The following PALLD variants were observed in gnomAD, a reference collection of about 807,000 sequenced individuals.
The protein encoded by PALLD is palladin, cytoskeletal associated protein.
In PALLD, 61 loss-of-function variants were observed where a neutral mutation model predicts 123.5. The observed-to-expected ratio is 0.49, with a 90% CI of 0.40 to 0.61. PALLD has a LOEUF of 0.61. Among genes scored for constraint, PALLD ranks in the 20% least tolerant of loss-of-function variants. The pLI is 0.00. For synonymous variants in PALLD, 465 were observed against 496.4 expected, an observed-to-expected ratio of 0.94 and a Z score of 0.84; for missense variants, 1,273 against 1,377.0, an observed-to-expected ratio of 0.92 and a Z score of 1.20.
intron 2 of PALLD, among the ~76,000 whole-genome samples, chr4:168,646,642 C>T (rs1013971730): frequency 9.2e-5 from 14 of 152,230 alleles, no homozygotes; most frequent in Non-Finnish European, 1.9e-4. Flanking sequence ...AGCCACCACA[C>T]AGCTTGGGGC....
chr4:168,635,573 T>A (rs1366834976), intron 2 of PALLD, among the ~76,000 whole-genome samples: 1 of 152,218 alleles, frequency 6.6e-6, no homozygotes, highest in African/African-American at 2.4e-5. Context: ...AATAGTCCAT[T>A]ACAAGCTATC....
intron 10 of PALLD, among the ~76,000 whole-genome samples, chr4:168,789,575 T>G (rs1175320647): frequency 6.6e-6 from 1 of 151,892 alleles, no homozygotes; most frequent in African/African-American, 2.4e-5. Context: ...CGTGGTGGCA[T>G]GTGCCTGTAG....
rs537172374 is a variant in PALLD at position 168,573,796 on chromosome 4, G to A, written c.908+61384G>A. Among the ~76,000 whole-genome samples, 12 of 152,222 alleles carry A rather than the reference G, an allele frequency of 7.9e-5. No homozygotes were observed. The South Asian group carries it at 2.5e-3, about 32-fold the overall frequency. On this transcript the variant is annotated intron_variant, in intron 2 of 21. Coordinates refer to ENST00000505667, the MANE Select transcript of PALLD (RefSeq NM_001166108.2). ...TACGAAGCTGCATACCATTATTGGTGTGGAAAAACAGTAACCCTGGTATTG... is the reference window on the plus strand; with the variant it reads ...TACGAAGCTGCATACCATTATTGGTATGGAAAAACAGTAACCCTGGTATTG...
intron 2 of PALLD, among the ~76,000 whole-genome samples, chr4:168,562,410 A>G (rs1028784385): frequency 3.3e-5 from 5 of 152,234 alleles, no homozygotes; most frequent in African/African-American, 2.4e-5. Context: ...AGATATCGCT[A>G]TGAACAAGAC....
chr4:168,720,931 G>A (rs1785949712), intron 10 of PALLD, among the ~76,000 whole-genome samples: 1 of 152,126 alleles, frequency 6.6e-6, no homozygotes, highest in Admixed American at 6.5e-5. Flanking sequence ...CTGACACAGT[G>A]CCACATTCTT....
intron 4 of PALLD, 21 bp downstream of exon 4, chr4:168,681,419 C>A: frequency 5.4e-6 from 8 of 1,478,008 alleles, no homozygotes; most frequent in Non-Finnish European, 7.6e-6. Context: ...ACAATTCCAT[C>A]GATTATGTGG....
Position 168,683,069 on chromosome 4 carries a change from C to G in PALLD, c.1226C>G (p.Ala409Gly). 1.2e-6 allele frequency: 2 copies of G among 1,611,738 alleles called. No individual in the cohort carries two copies. The highest frequency in any genetic ancestry group is 1.7e-6 in the Non-Finnish European group (2 of 1,177,890). ...SSSPKTGVTT[A>G]VIQPLSVPVQ... is the part of the protein sequence containing the mutation. ...TCTCCAAAGACAGGGGTGACCACAGCTGTGATTCAACCACTGTCTGTCCCT... is the reference window on the plus strand; with the variant it reads ...TCTCCAAAGACAGGGGTGACCACAGGTGTGATTCAACCACTGTCTGTCCCT... The change falls in exon 5 of 22, where the codon GCT becomes GGT. Residue 409 changes from alanine to glycine, a missense_variant. Physicochemically the swap from Ala to Gly is moderately conservative, Grantham distance 60. Transcript: ENST00000505667.
intron 2 of PALLD, among the ~76,000 whole-genome samples, chr4:168,639,786 C>T (rs1022708939): frequency 5.9e-5 from 9 of 152,054 alleles, no homozygotes; most frequent in South Asian, 4.1e-4. Context: ...CCTCGTGATC[C>T]GCCCGCCTCG....
In PALLD at chr4:168,921,635, C is replaced by T. The variant is rs370315223; in HGVS notation, c.2952C>T (p.His984=). 7 of 1,611,256 alleles carry T rather than the reference C, an allele frequency of 4.3e-6. No individual in the cohort carries two copies. Among genetic ancestry groups the T allele is most frequent in the African/African-American group, 1.3e-5 (1 of 74,082 alleles). The change falls in exon 18 of 22, where the codon CAC becomes CAT. Residue 984 remains histidine (H), a synonymous_variant. Transcript: ENST00000505667. ...HKMLVRENGV[H]SLIIEPVTSR... Reference sequence around the variant, plus strand: ...TGCTGGTGCGTGAGAACGGGGTGCACTCTCTGATCATAGAGCCAGTCACGT... The same window carrying T: ...TGCTGGTGCGTGAGAACGGGGTGCATTCTCTGATCATAGAGCCAGTCACGT...
chr4:168,737,746 G>A (rs1051048465), intron 10 of PALLD, among the ~76,000 whole-genome samples: 3 of 152,118 alleles, frequency 2.0e-5, no homozygotes, highest in Non-Finnish European at 2.9e-5. Context: ...TGTTAGTGAC[G>A]AACAGATCAA....
intron 10 of PALLD, among the ~76,000 whole-genome samples, chr4:168,782,288 G>A (rs1221589269): frequency 6.6e-6 from 1 of 152,196 alleles, no homozygotes; most frequent in African/African-American, 2.4e-5. Flanking sequence ...TGTTGATGTA[G>A]AGCGAATTAT....
At chr4:168,883,195 C>T (rs565530753) in intron 10 of PALLD, among the ~76,000 whole-genome samples, 1 of 151,908 alleles carries the variant, frequency 6.6e-6, no homozygotes, top group Non-Finnish European at 1.5e-5. Context: ...TATCTATTTT[C>T]CTTTAAATAT....
intron 10 of PALLD, among the ~76,000 whole-genome samples, chr4:168,836,618 G>A (rs1462895722): frequency 6.6e-6 from 1 of 152,150 alleles, no homozygotes; most frequent in African/African-American, 2.4e-5. Context: ...TTAGAGAACG[G>A]GGATCAGGCA....
At chr4:168,543,022 C>G (rs1324754874) in intron 2 of PALLD, among the ~76,000 whole-genome samples, 1 of 151,976 alleles carries the variant, frequency 6.6e-6, no homozygotes, top group Non-Finnish European at 1.5e-5. Context: ...TTGTGCCACT[C>G]TCCTACTGAG....
intron 3 of PALLD, among the ~76,000 whole-genome samples, chr4:168,670,735 G>C (rs1323181191): frequency 2.0e-5 from 2 of 98,586 alleles, no homozygotes; most frequent in African/African-American, 9.6e-5. Context: ...GCGAGACTCC[G>C]TCTCAAAAAA....
intron 10 of PALLD, among the ~76,000 whole-genome samples, chr4:168,850,434 C>A (rs1747574814): frequency 6.6e-6 from 1 of 150,634 alleles, no homozygotes; most frequent in African/African-American, 2.4e-5. Flanking sequence ...ACATTGCAAA[C>A]CTGTTTGAAA....
intron 1 of PALLD, among the ~76,000 whole-genome samples, chr4:168,502,171 A>C (rs1454521597): frequency 6.6e-6 from 1 of 150,730 alleles, no homozygotes; most frequent in Non-Finnish European, 1.5e-5. Context: ...AAAAGTAAGC[A>C]AAATAAATTT....
chr4:168,626,518 T>C (rs1775308534), intron 2 of PALLD, among the ~76,000 whole-genome samples: 1 of 151,608 alleles, frequency 6.6e-6, no homozygotes, highest in Non-Finnish European at 1.5e-5. Context: ...GAGACCATCC[T>C]GGGAAACGTG....
intron 17 of PALLD, among the ~76,000 whole-genome samples, chr4:168,919,896 G>A (rs1761079189): frequency 6.6e-6 from 1 of 152,142 alleles, no homozygotes; most frequent in Non-Finnish European, 1.5e-5. Flanking sequence ...TTAGAAAAAA[G>A]GTACAAGGGG....
Sources: allele counts gnomAD v4.1 joint callset (sites outside exome capture counted in the v4.1 genomes callset), GRCh38; gene constraint gnomAD v4.1.1; transcripts MANE v1.5; gene names NCBI Gene and HGNC (gene_info 2026-07-23, HGNC 2026-07-21).